ADK: variants seen among roughly 807,000 people sequenced by gnomAD.
ADK encodes adenosine kinase, also known as N6,N6-dimethyladenosine kinase.
ADK carries 24 observed loss-of-function variants against 44.7 expected under a neutral mutation model. That is an observed-to-expected ratio of 0.54 (90% CI 0.39 to 0.76). ADK has a LOEUF of 0.76. ADK is among the 30% of genes least tolerant of loss of function. The pLI is 0.00. For missense variants in ADK, 321 were observed against 425.1 expected, an observed-to-expected ratio of 0.76 and a Z score of 2.15; for synonymous variants, 128 against 142.6, an observed-to-expected ratio of 0.90 and a Z score of 0.73.
Position 74,418,280 on chromosome 10 carries a change from C to T in ADK, c.555+19701C>T, listed in dbSNP as rs545912127. 3.8e-4 allele frequency among the ~76,000 whole-genome samples: 58 copies of T among 152,246 alleles called. 1 individual carries two copies. Among genetic ancestry groups the T allele is most frequent in the Non-Finnish European group, 5.1e-4 (35 of 68,004 alleles). ...TTTCAATCCTTAGTCCCCTTTCCCC[C>T]AACACAGCTTTTAGATTGTCGATAA... is the stretch of plus-strand genomic sequence containing the variant. On this transcript the variant is annotated intron_variant, in intron 6 of 10. Transcript: ENST00000539909.
chr10:74,299,034 A>G (rs1592006715), intron 3 of ADK, among the ~76,000 whole-genome samples: 2 of 152,240 alleles, frequency 1.3e-5, no homozygotes, highest in East Asian at 3.8e-4. Context: ...CTGATCAGTT[A>G]TTCAAAGAGC....
intron 3 of ADK, among the ~76,000 whole-genome samples, chr10:74,227,946 G>T (rs556303788): frequency 2.0e-5 from 3 of 152,046 alleles, no homozygotes; most frequent in Admixed American, 6.6e-5. Flanking sequence ...GGAGATCAAG[G>T]CTGCAGTGAA....
intron 8 of ADK, among the ~76,000 whole-genome samples, chr10:74,598,511 A>G (rs1369877399): frequency 7.8e-6 from 1 of 128,906 alleles, no homozygotes; most frequent in Non-Finnish European, 1.5e-5. Flanking sequence ...GTGCAGTGGC[A>G]TGATCTCTGC....
At chr10:74,239,096 C>A (rs1177912080) in intron 3 of ADK, among the ~76,000 whole-genome samples, 1 of 151,884 alleles carries the variant, frequency 6.6e-6, no homozygotes, top group Admixed American at 6.6e-5. Context: ...TAGGAAATCA[C>A]AGTGGGGACA....
intron 9 of ADK, among the ~76,000 whole-genome samples, chr10:74,625,451 G>GTATA (rs141392690): frequency 7.0e-4 from 106 of 150,910 alleles, no homozygotes; most frequent in Non-Finnish European, 1.4e-3. Context: ...AGTGCTTAAA[G>GTATA]TATATATATA....
chr10:74,273,454 T>C (rs1366216621), intron 3 of ADK, among the ~76,000 whole-genome samples: 2 of 146,376 alleles, frequency 1.4e-5, no homozygotes, highest in African/African-American at 5.3e-5. Flanking sequence ...AAATCTCTTC[T>C]TCTTCTTTTT....
intron 6 of ADK, among the ~76,000 whole-genome samples, chr10:74,404,545 A>G (rs993654240): frequency 2.6e-5 from 4 of 152,334 alleles, no homozygotes; most frequent in Middle Eastern, 6.8e-3. Flanking sequence ...TGTGCCAGAT[A>G]TATAGTTCTA....
At chr10:74,562,303 A>C (rs1332831934) in intron 7 of ADK, among the ~76,000 whole-genome samples, 1 of 152,198 alleles carries the variant, frequency 6.6e-6, no homozygotes, top group Non-Finnish European at 1.5e-5. Flanking sequence ...TTAAAGGAGT[A>C]AGGACCTCTT....
At chr10:74,183,059 C>T (rs1341869811) in intron 1 of ADK, among the ~76,000 whole-genome samples, 1 of 152,128 alleles carries the variant, frequency 6.6e-6, no homozygotes, top group African/African-American at 2.4e-5. Context: ...GGAGTAGTCC[C>T]ACTTGTAGTC....
At chr10:74,477,340 G>A (rs988898244) in intron 6 of ADK, among the ~76,000 whole-genome samples, 4 of 152,040 alleles carry the variant, frequency 2.6e-5, no homozygotes, top group African/African-American at 9.7e-5. Flanking sequence ...GAGTAGCTGG[G>A]TTTACGGGTG....
At chr10:74,591,956 C>T (rs1851738369) in intron 8 of ADK, among the ~76,000 whole-genome samples, 1 of 151,570 alleles carries the variant, frequency 6.6e-6, no homozygotes, top group African/African-American at 2.4e-5. Flanking sequence ...AGTGTTTATT[C>T]GTCAGGAAAT....
intron 6 of ADK, among the ~76,000 whole-genome samples, chr10:74,430,180 T>G (rs1844933700): frequency 1.3e-5 from 2 of 152,152 alleles, no homozygotes; most frequent in South Asian, 4.1e-4. Context: ...TTGACATAAT[T>G]TGTAGATTCA....
intron 5 of ADK, among the ~76,000 whole-genome samples, chr10:74,394,588 C>G (rs764751507): frequency 1.3e-5 from 2 of 152,192 alleles, no homozygotes; most frequent in African/African-American, 2.4e-5. Context: ...ATAGCTTGCT[C>G]AATGCCTTGT....
At chr10:74,320,235 A>G (rs1840763715) in intron 4 of ADK, among the ~76,000 whole-genome samples, 1 of 152,170 alleles carries the variant, frequency 6.6e-6, no homozygotes, top group Non-Finnish European at 1.5e-5. Context: ...TGTTGGATAT[A>G]GAATTCTTGG....
At position 74,429,641 on chromosome 10, in the gene ADK, ACTGT is replaced by A. The variant is rs1206237747; in HGVS notation, c.555+31065_555+31068del. On this transcript the variant is annotated intron_variant, in intron 6 of 10. Transcript: ENST00000539909. Reference sequence around the variant, plus strand: ...TTTCATGACCAGAAGAGGAGCAGGAACTGTCTAACATAGAAAATGTTTATGGTAT... The same window carrying A: ...TTTCATGACCAGAAGAGGAGCAGGAACTAACATAGAAAATGTTTATGGTAT... Among the ~76,000 whole-genome samples the A allele has an allele frequency of 2.0e-3, 306 of 152,268 alleles. 4 individuals carry two copies. The highest frequency in any genetic ancestry group is 2.1e-3 in the East Asian group (11 of 5,188).
chr10:74,635,099 C>T (rs192320786), intron 9 of ADK, among the ~76,000 whole-genome samples: 13 of 152,282 alleles, frequency 8.5e-5, no homozygotes, highest in Admixed American at 8.5e-4. Flanking sequence ...GTAAGGTTTC[C>T]CACTTCTGGT....
At chr10:74,220,753 A>C (rs1449653202) in intron 2 of ADK, among the ~76,000 whole-genome samples, 4 of 152,210 alleles carry the variant, frequency 2.6e-5, no homozygotes, top group Admixed American at 2.0e-4. Context: ...ATATAAACAG[A>C]ACCAAAAACA....
At chr10:74,247,224 GTTTTTTTTTTT>G (rs142274121) in intron 3 of ADK, among the ~76,000 whole-genome samples, 25 of 72,004 alleles carry the variant, frequency 3.5e-4, no homozygotes, top group Non-Finnish European at 1.2e-4. Flanking sequence ...TTTTTTTTAA[GTTTTTTTTTTT>G]TTTTTTTTTT....
At chr10:74,663,774 T>C (rs1256802658) in intron 9 of ADK, among the ~76,000 whole-genome samples, 2 of 152,188 alleles carry the variant, frequency 1.3e-5, no homozygotes, top group Admixed American at 1.3e-4. Flanking sequence ...TCTTTATGCC[T>C]CAAAAGTCCT....
Sources: gnomAD v4.1 joint callset for allele counts (sites outside exome capture counted in the v4.1 genomes callset) on GRCh38, gnomAD v4.1.1 for gene constraint, MANE v1.5 for transcripts, NCBI Gene and HGNC (gene_info 2026-07-23, HGNC 2026-07-21) for gene names.